SNX18: variants seen among roughly 807,000 people sequenced by gnomAD.
SNX18 encodes the protein sorting nexin 18.
Under a neutral mutation model 48.7 loss-of-function variants are expected in SNX18, and 35 were observed. That is an observed-to-expected ratio of 0.72 (90% CI 0.55 to 0.95). SNX18 has a LOEUF of 0.95. SNX18 is among the 40% of genes least tolerant of loss of function. The pLI is 0.00. For missense variants in SNX18, 824 were observed against 871.0 expected (o/e 0.95, Z 0.68); for synonymous variants, 492 against 384.7 (o/e 1.28, Z -3.26).
chr5:54,518,954 C>T lies in SNX18; in HGVS notation c.1002C>T (p.His334=), dbSNP rs184618054. 5 of 1,613,760 alleles carry T rather than the reference C, an allele frequency of 3.1e-6. No homozygotes were observed. Among genetic ancestry groups the T allele is most frequent in the Admixed American group, 1.7e-5 (1 of 60,034 alleles). ...AGTTCCCGGTCATCTCCGTGCCCCA[C>T]CTGCCCGAGAAGCAGGCCACCGGCC... The part of the protein sequence containing the change: ...AEKFPVISVP[H]LPEKQATGRF... The change falls in exon 1 of 2, where the codon CAC becomes CAT. Residue 334 remains histidine (H), a synonymous_variant. Transcript: ENST00000381410.
At chr5:54,623,658 G>A in the SNX18 span, among the ~76,000 whole-genome samples, 1 of 152,136 alleles carries the variant, frequency 6.6e-6, no homozygotes, top group Non-Finnish European at 1.5e-5. Context: ...ATCTACCCAG[G>A]AGCTTATGTA....
chr5:54,595,520 C>A, the SNX18 span, among the ~76,000 whole-genome samples: 23 of 152,304 alleles, frequency 1.5e-4, no homozygotes, highest in East Asian at 4.2e-3. Flanking sequence ...TAGGTGTGAG[C>A]CACCGCGCCT....
downstream of SNX18, among the ~76,000 whole-genome samples, chr5:54,547,817 A>C (rs771766658): frequency 6.6e-6 from 1 of 152,198 alleles, no homozygotes; most frequent in African/African-American, 2.4e-5. Flanking sequence ...TGGCAGAACC[A>C]CAAGTCAAAA....
At chr5:54,558,854 C>T in the SNX18 span, among the ~76,000 whole-genome samples, 7 of 151,960 alleles carry the variant, frequency 4.6e-5, no homozygotes, top group Admixed American at 3.3e-4. Context: ...TACCTGGTAC[C>T]CATGTTCTAA....
At chr5:54,565,761 G>A in the SNX18 span, among the ~76,000 whole-genome samples, 1 of 152,194 alleles carries the variant, frequency 6.6e-6, no homozygotes, top group Non-Finnish European at 1.5e-5. Flanking sequence ...AGTGGAATGA[G>A]AAGGTTGGAA....
the SNX18 span, among the ~76,000 whole-genome samples, chr5:54,582,943 T>C: frequency 6.6e-6 from 1 of 152,224 alleles, no homozygotes; most frequent in Non-Finnish European, 1.5e-5. Context: ...TGGTTTAGGT[T>C]GCTTATTCTT....
the SNX18 span, among the ~76,000 whole-genome samples, chr5:54,591,456 G>A: frequency 6.6e-6 from 1 of 152,192 alleles, no homozygotes; most frequent in Non-Finnish European, 1.5e-5. Flanking sequence ...CTCCCAAAGT[G>A]CTGGGATTAC....
At chr5:54,561,135 T>C in the SNX18 span, among the ~76,000 whole-genome samples, 1 of 152,174 alleles carries the variant, frequency 6.6e-6, no homozygotes, top group African/African-American at 2.4e-5. Flanking sequence ...CTCTGCCTCC[T>C]GGGTTTAAGC....
At chr5:54,520,511 G>A (rs368913997) in intron 1 of SNX18, 1 of 160,498 alleles carries the variant, frequency 6.2e-6, no homozygotes. Context: ...GGGGCGGCTG[G>A]GCAGGGAAAC....
chr5:54,573,465 G>A, the SNX18 span, among the ~76,000 whole-genome samples: 45 of 152,196 alleles, frequency 3.0e-4, 1 homozygote, highest in South Asian at 4.4e-3. Flanking sequence ...CACTGCACCC[G>A]GCCTCAAATT....
chr5:54,627,554 G>A, the SNX18 span, among the ~76,000 whole-genome samples: 3 of 152,224 alleles, frequency 2.0e-5, no homozygotes, highest in Non-Finnish European at 4.4e-5. Flanking sequence ...TCAAAAACAG[G>A]TTCATAAGTT....
chr5:54,537,330 A>G (rs1762376940), intron 1 of SNX18, among the ~76,000 whole-genome samples: 1 of 152,212 alleles, frequency 6.6e-6, no homozygotes, highest in African/African-American at 2.4e-5. Flanking sequence ...ACTGGTCTGT[A>G]TTGTCAGCCG....
the SNX18 span, among the ~76,000 whole-genome samples, chr5:54,586,654 G>A: frequency 6.6e-6 from 1 of 152,218 alleles, no homozygotes; most frequent in African/African-American, 2.4e-5. Context: ...ATCCATTCAT[G>A]AGCGCGGAGC....
In SNX18 at chr5:54,517,826, C is replaced by A; in HGVS notation, c.-127C>A. 1 of 1,018,476 alleles carries A rather than the reference C, an allele frequency of 9.8e-7. No homozygotes were observed. Among genetic ancestry groups the A allele is most frequent in the Non-Finnish European group, 1.3e-6 (1 of 772,924 alleles). The allele number at this position is 1,018,476 out of a possible 1,614,324, so 63.1% of individuals were successfully genotyped here. On this transcript the variant is annotated 5_prime_UTR_variant, in exon 1 of 2. Coordinates refer to ENST00000381410, the MANE Select transcript of SNX18 (RefSeq NM_001102575.2). Reference sequence around the variant, plus strand: ...GGAGGGCGCGACCGGCTGGTCCGGGCAGCGTGGGTTTGCCGCCTTCGGGGC... The same window carrying A: ...GGAGGGCGCGACCGGCTGGTCCGGGAAGCGTGGGTTTGCCGCCTTCGGGGC...
the SNX18 span, among the ~76,000 whole-genome samples, chr5:54,589,625 CT>C: frequency 2.6e-5 from 4 of 152,200 alleles, no homozygotes; most frequent in African/African-American, 9.6e-5. Flanking sequence ...TAAAGCCAAA[CT>C]CTATGGGGGT....
At chr5:54,599,464 A>G in the SNX18 span, among the ~76,000 whole-genome samples, 4 of 152,174 alleles carry the variant, frequency 2.6e-5, no homozygotes, top group Non-Finnish European at 2.9e-5. Context: ...CATTCTTCAC[A>G]AAATTAGAAA....
the SNX18 span, among the ~76,000 whole-genome samples, chr5:54,576,771 G>GTGTT: frequency 0.027 from 3,478 of 128,478 alleles, 133 homozygotes; most frequent in African/African-American, 0.089. Flanking sequence ...GCAAGTAGCT[G>GTGTT]TGTTTGTTTG....
chr5:54,639,073 A>C, the SNX18 span, among the ~76,000 whole-genome samples: 1 of 152,232 alleles, frequency 6.6e-6, no homozygotes, highest in East Asian at 1.9e-4. Context: ...TCATGTCTAC[A>C]TATTGAAAAC....
At chr5:54,556,329 T>C in the SNX18 span, among the ~76,000 whole-genome samples, 2 of 152,170 alleles carry the variant, frequency 1.3e-5, no homozygotes, top group Non-Finnish European at 2.9e-5. Context: ...CGGGCTGCAT[T>C]CCTCTGTGGA....
Sources: gnomAD v4.1 joint callset for allele counts (sites outside exome capture counted in the v4.1 genomes callset) on GRCh38, gnomAD v4.1.1 for gene constraint, MANE v1.5 for transcripts, NCBI Gene and HGNC (gene_info 2026-07-23, HGNC 2026-07-21) for gene names.